SPAG16: variants seen among roughly 807,000 people sequenced by gnomAD.
The protein encoded by SPAG16 is sperm associated antigen 16, also known as sperm-associated antigen 16 protein.
Under a neutral mutation model 80.4 loss-of-function variants are expected in SPAG16, and 86 were observed. The ratio of observed to expected loss-of-function variants is 1.07; its 90% CI spans 0.90 to 1.28. SPAG16 has a LOEUF of 1.28. Ranked by LOEUF, SPAG16 falls within the 50% of genes most tolerant of loss-of-function variation. The pLI, the probability that SPAG16 is intolerant of heterozygous loss-of-function variation, is 0.00. For synonymous variants in SPAG16, 294 were observed against 265.9 expected, an observed-to-expected ratio of 1.11 and a Z score of -1.03; for missense variants, 870 against 765.3, an observed-to-expected ratio of 1.14 and a Z score of -1.61.
chr2:213,989,514 C>G (rs2046177294), intron 12 of SPAG16, among the ~76,000 whole-genome samples: 1 of 152,104 alleles, frequency 6.6e-6, no homozygotes, highest in Non-Finnish European at 1.5e-5. Flanking sequence ...TCCATTTGAG[C>G]ATGCCCTTAC....
chr2:214,334,515 C>A (rs900718411), intron 15 of SPAG16, among the ~76,000 whole-genome samples: 1 of 152,142 alleles, frequency 6.6e-6, no homozygotes, highest in Non-Finnish European at 1.5e-5. Context: ...ATCTTCTCTG[C>A]AATTCTGCCA....
chr2:214,266,925 G>T (rs2125884137), intron 15 of SPAG16, among the ~76,000 whole-genome samples: 1 of 151,648 alleles, frequency 6.6e-6, no homozygotes, highest in South Asian at 2.1e-4. Flanking sequence ...AAACATTGAT[G>T]AAAATAAAAG....
At chr2:213,877,199 C>A (rs1272282669) in intron 11 of SPAG16, among the ~76,000 whole-genome samples, 1 of 152,096 alleles carries the variant, frequency 6.6e-6, no homozygotes, top group African/African-American at 2.4e-5. Context: ...GCTTTCAAAT[C>A]CACTTATTAA....
intron 15 of SPAG16, among the ~76,000 whole-genome samples, chr2:214,355,840 G>A (rs533736527): frequency 6.6e-5 from 10 of 151,502 alleles, no homozygotes; most frequent in South Asian, 2.1e-4. Context: ...ATACTATGCA[G>A]CCATAAAAAA....
chr2:213,580,502 A>G (rs77942248), intron 10 of SPAG16, among the ~76,000 whole-genome samples: 8,731 of 152,184 alleles, frequency 0.057, 393 homozygotes, highest in Non-Finnish European at 0.079. Context: ...ACATAATTCT[A>G]TGGGAAAGTA....
chr2:213,407,133 G>T (rs1357067698), intron 9 of SPAG16, among the ~76,000 whole-genome samples: 2 of 152,152 alleles, frequency 1.3e-5, no homozygotes, highest in African/African-American at 4.8e-5. Flanking sequence ...CCTGCTTGCA[G>T]TGTTGTTCGT....
At chr2:213,378,429 C>T (rs915200231) in intron 9 of SPAG16, among the ~76,000 whole-genome samples, 1 of 152,194 alleles carries the variant, frequency 6.6e-6, no homozygotes, top group Non-Finnish European at 1.5e-5. Flanking sequence ...TTATGCCTAA[C>T]ATAAAACAAC....
intron 15 of SPAG16, among the ~76,000 whole-genome samples, chr2:214,331,627 G>A (rs1379215619): frequency 6.6e-6 from 1 of 152,164 alleles, no homozygotes; most frequent in Non-Finnish European, 1.5e-5. Flanking sequence ...GGTTTAGAGT[G>A]TAGATTGAAT....
At chr2:214,380,189 C>G (rs1204009552) in intron 15 of SPAG16, among the ~76,000 whole-genome samples, 3 of 152,134 alleles carry the variant, frequency 2.0e-5, no homozygotes. Flanking sequence ...TAGACCAAAC[C>G]TATAGTAATG....
At chr2:213,552,429 C>T (rs1222039523) in intron 10 of SPAG16, among the ~76,000 whole-genome samples, 1 of 152,138 alleles carries the variant, frequency 6.6e-6, no homozygotes, top group Non-Finnish European at 1.5e-5. Flanking sequence ...GTGGGGCTCT[C>T]CTTAGCATAT....
intron 10 of SPAG16, among the ~76,000 whole-genome samples, chr2:213,718,466 C>A (rs1033725232): frequency 5.3e-5 from 8 of 152,304 alleles, no homozygotes; most frequent in Non-Finnish European, 1.0e-4. Context: ...GAGCCCACTC[C>A]CTCAGCTTTC....
At chr2:214,325,928 A>G (rs1032597312) in intron 15 of SPAG16, among the ~76,000 whole-genome samples, 1 of 152,202 alleles carries the variant, frequency 6.6e-6, no homozygotes, top group Non-Finnish European at 1.5e-5. Context: ...CCATGAGCAT[A>G]GGAATCATGC....
intron 15 of SPAG16, among the ~76,000 whole-genome samples, chr2:214,264,093 C>T (rs550767165): frequency 1.3e-5 from 2 of 152,280 alleles, no homozygotes; most frequent in South Asian, 2.1e-4. Flanking sequence ...GCTGTCTGGA[C>T]TGTTGAAACC....
chr2:214,151,018 G>A (rs868211656), intron 15 of SPAG16, among the ~76,000 whole-genome samples: 2 of 152,030 alleles, frequency 1.3e-5, no homozygotes, highest in African/African-American at 4.8e-5. Context: ...CAACACGTAT[G>A]AACGAGGGAC....
intron 9 of SPAG16, among the ~76,000 whole-genome samples, chr2:213,468,495 T>C: frequency 9.0e-6 from 1 of 110,548 alleles, no homozygotes; most frequent in African/African-American, 3.8e-5. Flanking sequence ...ATATATGTAT[T>C]TATATATAGA....
chr2:214,394,038 C>A (rs570235243), intron 15 of SPAG16, among the ~76,000 whole-genome samples: 1 of 152,132 alleles, frequency 6.6e-6, no homozygotes, highest in Non-Finnish European at 1.5e-5. Flanking sequence ...GAAATTTATT[C>A]TGTGTTTTCA....
chr2:214,127,298 C>CTGTGCACTAGCTGTGCT (rs1035843076), intron 14 of SPAG16, among the ~76,000 whole-genome samples: 1 of 151,808 alleles, frequency 6.6e-6, no homozygotes, highest in Non-Finnish European at 1.5e-5. Flanking sequence ...AGTGCAGTAT[C>CTGTGCACTAGCTGTGCT]AACTGTGGCT....
chr2:213,312,928 A>T (rs2063253702), intron 4 of SPAG16, among the ~76,000 whole-genome samples: 1 of 151,754 alleles, frequency 6.6e-6, no homozygotes, highest in South Asian at 2.1e-4. Flanking sequence ...TATAGCCCTT[A>T]TGTTGCCCAA....
intron 13 of SPAG16, among the ~76,000 whole-genome samples, chr2:214,076,724 T>C (rs939063518): frequency 1.3e-5 from 2 of 152,140 alleles, no homozygotes; most frequent in Non-Finnish European, 2.9e-5. Context: ...GCTGTGATCG[T>C]GAGAATTTAA....
Sources: gnomAD v4.1 joint callset for allele counts (sites outside exome capture counted in the v4.1 genomes callset) on GRCh38, gnomAD v4.1.1 for gene constraint, MANE v1.5 for transcripts, NCBI Gene and HGNC (gene_info 2026-07-23, HGNC 2026-07-21) for gene names.